Variants in RBAK observed in about 807,000 individuals in gnomAD.
The protein encoded by RBAK is RB associated KRAB zinc finger.
Under a neutral mutation model 65.8 loss-of-function variants are expected in RBAK, and 39 were observed. The observed-to-expected ratio is 0.59, with a 90% CI of 0.46 to 0.77. The LOEUF is 0.77. Among genes scored for constraint, RBAK ranks in the 30% least tolerant of loss-of-function variants. RBAK has a pLI of 0.00. For missense variants in RBAK, 884 were observed against 855.1 expected (o/e 1.03, Z -0.42); for synonymous variants, 343 against 289.7 (o/e 1.18, Z -1.87).
At chr7:5,061,151 A>C (rs1395895328) in intron 4 of RBAK, among the ~76,000 whole-genome samples, 1 of 152,196 alleles carries the variant, frequency 6.6e-6, no homozygotes, top group African/African-American at 2.4e-5. Flanking sequence ...AACTGTTCTA[A>C]GCAGTTTACA....
intron 4 of RBAK, among the ~76,000 whole-genome samples, chr7:5,062,853 TG>T (rs1167177993): frequency 6.6e-6 from 1 of 152,226 alleles, no homozygotes; most frequent in Non-Finnish European, 1.5e-5. Flanking sequence ...AAGAGAAATA[TG>T]GCTCTGTTCC....
chr7:5,058,243 T>G (rs964404101), intron 4 of RBAK, among the ~76,000 whole-genome samples: 1 of 152,084 alleles, frequency 6.6e-6, no homozygotes, highest in African/African-American at 2.4e-5. Context: ...CCTGGCTAAT[T>G]TTTATATTTT....
rs771340180 is a variant in RBAK at position 5,067,095 on chromosome 7, A to G, written c.*1494A>G. ...TAAACTACAACAAACAATATGCTTA[A>G]TGATGAAATAGTGAACATTTCTCCT... is the stretch of plus-strand genomic sequence containing the variant. On this transcript the variant is annotated 3_prime_UTR_variant, in exon 5 of 5. Coordinates refer to ENST00000396912, the MANE Select transcript of RBAK (RefSeq NM_021163.4). 1 of 152,220 alleles carries G rather than the reference A, an allele frequency of 6.6e-6. No individual in the cohort carries two copies. Among genetic ancestry groups the G allele is most frequent in the Non-Finnish European group, 1.5e-5 (1 of 68,020 alleles). 9.4% of individuals were successfully genotyped at this position (152,220 alleles called of 1,614,324 possible). A position where few individuals can be genotyped will look rare whatever the true frequency, so the allele number is the denominator to read the frequency against.
In RBAK at chr7:5,064,796, A is replaced by G; in HGVS notation, c.1340A>G (p.His447Arg). 1 of 1,614,128 alleles carries G rather than the reference A, an allele frequency of 6.2e-7. No homozygotes were observed. Among genetic ancestry groups the G allele is most frequent in the Non-Finnish European group, 8.5e-7 (1 of 1,179,944 alleles). The part of the protein sequence containing the change: ...FFSRVSYLTI[H>R]YRSHLEEKPY... The stretch of plus-strand genomic sequence containing the variant: ...TCTCGGGTGTCATACCTCACTATAC[A>G]TTATAGAAGTCATTTAGAAGAGAAA... Residue 447 changes from histidine to arginine, a missense_variant, in exon 5 of 5, where the codon CAT becomes CGT. Physicochemically the swap from His to Arg is conservative, Grantham distance 29 (BLOSUM62 0). Coordinates refer to ENST00000396912, the MANE Select transcript of RBAK (RefSeq NM_021163.4). This position sits in a 1 kb window ranked among gnomAD's most constrained non-coding sequence, Gnocchi z 6.3.
At chr7:5,049,730 T>G (rs1479706962) in intron 2 of RBAK, among the ~76,000 whole-genome samples, 1 of 152,124 alleles carries the variant, frequency 6.6e-6, no homozygotes, top group Non-Finnish European at 1.5e-5. Flanking sequence ...CTGTTTCTTT[T>G]TTTCTTTTTT....
At chr7:5,046,685 T>G (rs539894139) in intron 1 of RBAK, among the ~76,000 whole-genome samples, 2 of 152,288 alleles carry the variant, frequency 1.3e-5, no homozygotes, top group South Asian at 4.2e-4. Context: ...GCTCCAGATT[T>G]CGACCTCCTC....
At chr7:5,049,750 G>T (rs550213487) in intron 2 of RBAK, among the ~76,000 whole-genome samples, 4 of 152,000 alleles carry the variant, frequency 2.6e-5, no homozygotes, top group African/African-American at 9.6e-5. Flanking sequence ...TTGAGATAGG[G>T]TCTTGCTGTG....
chr7:5,053,889 C>T (rs1583455071), intron 2 of RBAK, among the ~76,000 whole-genome samples: 1 of 152,160 alleles, frequency 6.6e-6, no homozygotes, highest in African/African-American at 2.4e-5. Context: ...GTTGTAAACT[C>T]TGTCAATTCT....
At chr7:5,054,280 C>G (rs1192806551) in intron 2 of RBAK, among the ~76,000 whole-genome samples, 1 of 152,012 alleles carries the variant, frequency 6.6e-6, no homozygotes, top group Non-Finnish European at 1.5e-5. Flanking sequence ...TGGTACACGC[C>G]TGTAATCCCA....
At chr7:5,063,184 T>C (rs1398103103) in intron 4 of RBAK, among the ~76,000 whole-genome samples, 2 of 152,212 alleles carry the variant, frequency 1.3e-5, no homozygotes, top group African/African-American at 4.8e-5. Context: ...AAAGTATTAA[T>C]TTGGGGAACT....
intron 4 of RBAK, among the ~76,000 whole-genome samples, chr7:5,062,210 C>G (rs1779092555): frequency 6.6e-6 from 1 of 152,164 alleles, no homozygotes; most frequent in African/African-American, 2.4e-5. Flanking sequence ...TTTGTTCCTC[C>G]TGATCCCATT....
intron 4 of RBAK, among the ~76,000 whole-genome samples, chr7:5,063,476 A>AGTGTGT (rs1779127737): frequency 1.0e-3 from 75 of 71,774 alleles, no homozygotes; most frequent in African/African-American, 4.1e-3. Context: ...TAATTCTTTC[A>AGTGTGT]CTGTGTGTGT....
chr7:5,065,410 G>A lies in RBAK; in HGVS notation c.1954G>A (p.Glu652Lys), dbSNP rs767652741. ...YRSHSGEKPY[E>K]CNECGKVFSQ... ...AAGCCATTCAGGAGAGAAACCCTATGAATGTAATGAATGTGGGAAAGTCTT... is the reference window on the plus strand; with the variant it reads ...AAGCCATTCAGGAGAGAAACCCTATAAATGTAATGAATGTGGGAAAGTCTT... Residue 652 changes from glutamate to lysine, a missense_variant, in exon 5 of 5, where the codon GAA (glutamate) becomes AAA (lysine). Glu to Lys is a moderately conservative substitution (Grantham distance 56). Coordinates refer to ENST00000396912, the MANE Select transcript of RBAK (RefSeq NM_021163.4). The surrounding 1 kb of genome is among the most constrained non-coding windows in gnomAD (Gnocchi z 5.3). The A allele has an allele frequency of 6.8e-6, 11 of 1,613,940 alleles. No homozygotes were observed. The South Asian group carries it at 1.2e-4, about 18-fold the overall frequency.
chr7:5,062,618 C>A (rs556453325), intron 4 of RBAK, among the ~76,000 whole-genome samples: 1 of 152,132 alleles, frequency 6.6e-6, no homozygotes. Context: ...CGAGAGCAAC[C>A]GGTCTGACCA....
At chr7:5,054,581 A>G (rs1299390634) in intron 2 of RBAK, among the ~76,000 whole-genome samples, 1 of 151,764 alleles carries the variant, frequency 6.6e-6, no homozygotes, top group Admixed American at 6.6e-5. Context: ...CTCTCTCTAT[A>G]TATATTTTTT....
At chr7:5,063,011 A>G (rs1411216912) in intron 4 of RBAK, among the ~76,000 whole-genome samples, 1 of 152,188 alleles carries the variant, frequency 6.6e-6, no homozygotes, top group Admixed American at 6.5e-5. Flanking sequence ...CAATTATCAC[A>G]GGGTCCTGAG....
chr7:5,061,220 A>G (rs75792165), intron 4 of RBAK, among the ~76,000 whole-genome samples: 3,083 of 152,210 alleles, frequency 0.02, 48 homozygotes, highest in Non-Finnish European at 0.032. Flanking sequence ...CACATTTCAG[A>G]TGAGTGAAAC....
chr7:5,059,297 C>T (rs1212020095), intron 4 of RBAK, among the ~76,000 whole-genome samples: 1 of 151,768 alleles, frequency 6.6e-6, no homozygotes, highest in Non-Finnish European at 1.5e-5. Context: ...CTTTCTTCCT[C>T]TCCTCCCTCT....
intron 2 of RBAK, among the ~76,000 whole-genome samples, chr7:5,051,459 C>T (rs1788115971): frequency 6.6e-6 from 1 of 151,862 alleles, no homozygotes; most frequent in Admixed American, 6.6e-5. Context: ...TATTAAATAC[C>T]CATAGCACAG....
Sources: gnomAD v4.1 joint callset for allele counts (sites outside exome capture counted in the v4.1 genomes callset) on GRCh38, gnomAD v4.1.1 for gene constraint, Gnocchi (gnomAD v3.1) non-coding constraint, MANE v1.5 for transcripts, NCBI Gene and HGNC (gene_info 2026-07-23, HGNC 2026-07-21) for gene names.